Variants in CAPN9 observed in about 807,000 individuals in gnomAD.
CAPN9 encodes the protein calpain-9.
A neutral mutation model predicts 92.8 loss-of-function variants in CAPN9; 81 were observed. That is an observed-to-expected ratio of 0.87 (90% confidence interval 0.73 to 1.05). The LOEUF is 1.05. Ranked by LOEUF, CAPN9 falls within the 50% of genes least tolerant of loss-of-function variation. The pLI is 0.00. For synonymous variants in CAPN9, 304 were observed against 328.0 expected (o/e 0.93, Z 0.79); for missense variants, 848 against 866.2 (o/e 0.98, Z 0.26).
intron 2 of CAPN9, among the ~76,000 whole-genome samples, chr1:230,758,371 C>T (rs989727546): frequency 3.9e-5 from 6 of 152,132 alleles, no homozygotes; most frequent in Non-Finnish European, 8.8e-5. Flanking sequence ...GTAAAGTTTG[C>T]TGAACAAACG....
intron 19 of CAPN9, among the ~76,000 whole-genome samples, chr1:230,800,219 ATAAG>A (rs1668591007): frequency 1.4e-5 from 1 of 69,860 alleles, no homozygotes; most frequent in African/African-American, 4.3e-5. Flanking sequence ...AGAAAGAAAA[ATAAG>A]AAAGAAAGAA....
At chr1:230,800,799 C>G (rs556918772) in intron 19 of CAPN9, among the ~76,000 whole-genome samples, 7 of 152,260 alleles carry the variant, frequency 4.6e-5, no homozygotes, top group Admixed American at 1.3e-4. Flanking sequence ...TTGGTGAGTC[C>G]AGTGTGCAGC....
chr1:230,797,708 C>T (rs1158283077), intron 18 of CAPN9, among the ~76,000 whole-genome samples: 2 of 152,204 alleles, frequency 1.3e-5, no homozygotes, highest in African/African-American at 4.8e-5. Flanking sequence ...ACCCAGCCCC[C>T]AGCTCAGTGC....
At chr1:230,751,666 A>G (rs1333534418) in intron 1 of CAPN9, among the ~76,000 whole-genome samples, 1 of 51,828 alleles carries the variant, frequency 1.9e-5, no homozygotes, top group East Asian at 3.9e-4. Context: ...AAAGAAAGAA[A>G]GAAAGAAAGA....
chr1:230,788,517 T>C (rs1032671961), intron 13 of CAPN9, among the ~76,000 whole-genome samples: 1 of 152,212 alleles, frequency 6.6e-6, no homozygotes, highest in African/African-American at 2.4e-5. Flanking sequence ...TAGCTTCATG[T>C]GTTTCCCCAA....
chr1:230,785,858 CA>C (rs1241595174), intron 11 of CAPN9, 122 bp from the exon 12 acceptor site: 1 of 896,606 alleles, frequency 1.1e-6, no homozygotes, highest in Non-Finnish European at 1.8e-6. Context: ...GAAATGTAAA[CA>C]GCACTGAACA....
chr1:230,770,225 G>A (rs187638810), intron 6 of CAPN9, among the ~76,000 whole-genome samples: 2 of 152,222 alleles, frequency 1.3e-5, no homozygotes, highest in East Asian at 3.9e-4. Flanking sequence ...AGTCTGAAAG[G>A]AAGGCCTAGC....
chr1:230,793,262 G>A (rs976643702), intron 17 of CAPN9, among the ~76,000 whole-genome samples: 1 of 152,184 alleles, frequency 6.6e-6, no homozygotes, highest in Non-Finnish European at 1.5e-5. Flanking sequence ...GCTCTTTGGT[G>A]GCAAGCTGCA....
At chr1:230,798,312 G>A (rs932125974) in intron 19 of CAPN9, 92 bp downstream of exon 19, 5 of 816,770 alleles carry the variant, frequency 6.1e-6, no homozygotes, top group Admixed American at 2.1e-5. Context: ...TTGATTTCAT[G>A]CAAGGGCTGA....
chr1:230,796,460 G>T (rs1265756486), intron 18 of CAPN9, among the ~76,000 whole-genome samples: 1 of 152,096 alleles, frequency 6.6e-6, no homozygotes, highest in Non-Finnish European at 1.5e-5. Flanking sequence ...TTTGGTAATA[G>T]AACACTAATT....
chr1:230,785,862 A>G (rs1477837567), intron 11 of CAPN9, 119 bp from the exon 12 acceptor site: 2 of 930,642 alleles, frequency 2.1e-6, no homozygotes, highest in African/African-American at 3.2e-5. Context: ...TGTAAACAGC[A>G]CTGAACAATA....
At chr1:230,764,902 T>C (rs1200354355) in intron 4 of CAPN9, among the ~76,000 whole-genome samples, 2 of 152,180 alleles carry the variant, frequency 1.3e-5, no homozygotes, top group Non-Finnish European at 2.9e-5. Flanking sequence ...CATGGATCTG[T>C]ACATGGGTTA....
intron 7 of CAPN9, among the ~76,000 whole-genome samples, chr1:230,773,726 C>T (rs898988943): frequency 6.6e-6 from 1 of 152,162 alleles, no homozygotes; most frequent in Non-Finnish European, 1.5e-5. Flanking sequence ...ACTCTTCTGA[C>T]CCTGGCCCGA....
chr1:230,801,551 T>G lies in CAPN9; in HGVS notation c.2047-19T>G. 1 of 1,609,844 alleles carries G rather than the reference T, an allele frequency of 6.2e-7. No individual in the cohort carries two copies. Among genetic ancestry groups the G allele is most frequent in the East Asian group, 2.2e-5 (1 of 44,838 alleles). ...CATGGAAGGACAACGACCCCTCATC[T>G]CTCTCTCTCTCTTCCCAGTTCATCC... On this transcript the variant is annotated intron_variant, in intron 19 of 19. Coordinates refer to ENST00000271971, the MANE Select transcript of CAPN9 (RefSeq NM_006615.3).
chr1:230,798,171 A>T lies in CAPN9; in HGVS notation c.1997A>T (p.Gln666Leu). 31 of 1,608,720 alleles carry T rather than the reference A, an allele frequency of 1.9e-5. No homozygotes were observed. The highest frequency in any genetic ancestry group is 2.6e-5 in the Non-Finnish European group (30 of 1,175,078). ...CCTTCTCTCCTATCAGGGGTGTTCCAGGCTCTCAGTACAAAGAACAAGGAG... is the reference window on the plus strand; with the variant it reads ...CCTTCTCTCCTATCAGGGGTGTTCCTGGCTCTCAGTACAAAGAACAAGGAG... The part of the protein sequence containing the change: ...VRLENASRVF[Q>L]ALSTKNKEFI... Residue 666 changes from glutamine (Q) to leucine (L), a missense_variant, in exon 19 of 20, where the codon CAG (glutamine) becomes CTG (leucine). Physicochemically the swap from Gln to Leu is moderately radical, Grantham distance 113 (BLOSUM62 -2). Coordinates refer to ENST00000271971, the MANE Select transcript of CAPN9 (RefSeq NM_006615.3).
At chr1:230,798,917 A>C (rs532678941) in intron 19 of CAPN9, among the ~76,000 whole-genome samples, 79 of 152,348 alleles carry the variant, frequency 5.2e-4, no homozygotes, top group African/African-American at 1.8e-3. Flanking sequence ...TCCTGTGCAC[A>C]TGAAGCTTGG....
At chr1:230,801,098 TGAG>T (rs779444836) in intron 19 of CAPN9, among the ~76,000 whole-genome samples, 2 of 151,682 alleles carry the variant, frequency 1.3e-5, no homozygotes, top group African/African-American at 2.4e-5. Context: ...GGAGAGAAAA[TGAG>T]GAGGAATTCC....
chr1:230,786,351 T>C (rs1309383720), intron 12 of CAPN9: 1 of 172,416 alleles, frequency 5.8e-6, no homozygotes, highest in Non-Finnish European at 1.2e-5. Flanking sequence ...AGCACTGCAA[T>C]GGGAAGGTGC....
chr1:230,793,143 G>A (rs965844949), intron 17 of CAPN9, among the ~76,000 whole-genome samples: 1 of 152,206 alleles, frequency 6.6e-6, no homozygotes, highest in Non-Finnish European at 1.5e-5. Context: ...AAACCACTGT[G>A]AACATTGGTA....
Sources: gnomAD v4.1 joint callset for allele counts (sites outside exome capture counted in the v4.1 genomes callset) on GRCh38, gnomAD v4.1.1 for gene constraint, MANE v1.5 for transcripts, NCBI Gene and HGNC (gene_info 2026-07-23, HGNC 2026-07-21) for gene names.